The following RAB3IL1 variants were observed in gnomAD, a reference collection of about 807,000 sequenced individuals.
RAB3IL1 encodes RAB3A interacting protein like 1.
RAB3IL1 carries 37 observed loss-of-function variants against 49.2 expected under a neutral mutation model. The observed-to-expected ratio is 0.75, with a 90% CI of 0.58 to 0.99. RAB3IL1 has a LOEUF of 0.99. Among genes scored for constraint, RAB3IL1 ranks in the 50% least tolerant of loss-of-function variants. The pLI is 0.00. For synonymous variants in RAB3IL1, 193 were observed against 213.9 expected, an observed-to-expected ratio of 0.90 and a Z score of 0.85; for missense variants, 484 against 513.0, an observed-to-expected ratio of 0.94 and a Z score of 0.55.
intron 8 of RAB3IL1, 29 bp downstream of exon 8, chr11:61,902,413 T>C: frequency 6.4e-7 from 1 of 1,562,058 alleles, no homozygotes; most frequent in Non-Finnish European, 8.7e-7. Context: ...CCCAAAGGAG[T>C]CAAGTAACGC....
In RAB3IL1 at chr11:61,897,417, G is replaced by A. The variant is rs568478469; in HGVS notation, c.*861C>T. The stretch of plus-strand genomic sequence containing the variant: ...GGAGCTCCGAACGCTGGTCCTGAGT[G>A]GGCTCTGATGGGTGGGAGGGCCCAG... On this transcript the variant is annotated 3_prime_UTR_variant, in exon 10 of 10. Transcript: ENST00000394836. The A allele has an allele frequency of 6.5e-6, 1 of 152,702 alleles. No homozygotes were observed. The highest frequency in any genetic ancestry group is 2.1e-4 in the South Asian group (1 of 4,824). 9.5% of individuals were successfully genotyped at this position (152,702 alleles called of 1,614,324 possible).
chr11:61,917,325 C>T, intron 1 of RAB3IL1, 32 bp downstream of exon 1: 1 of 1,323,840 alleles, frequency 7.6e-7, no homozygotes, highest in Non-Finnish European at 9.6e-7. Flanking sequence ...GGCCCAGACC[C>T]AGCGCGGGAC....
chr11:61,906,396 G>T lies in RAB3IL1; in HGVS notation c.657+70C>A. Reference sequence around the variant, plus strand: ...AGCATGGGGCAGGCTGGTCCTCACTGGGCTCGGACCCTGCCTACCGCAGGC... The same window carrying T: ...AGCATGGGGCAGGCTGGTCCTCACTTGGCTCGGACCCTGCCTACCGCAGGC... On this transcript the variant is annotated intron_variant, in intron 5 of 9. Coordinates refer to ENST00000394836, the MANE Select transcript of RAB3IL1 (RefSeq NM_013401.4). The surrounding 1 kb of genome is among the most constrained non-coding windows in gnomAD (Gnocchi z 4.6). 7.2e-7 allele frequency: 1 copy of T among 1,386,870 alleles called. No individual in the cohort carries two copies. Among genetic ancestry groups the T allele is most frequent in the Non-Finnish European group, 9.9e-7 (1 of 1,012,926 alleles). The allele number at this position is 1,386,870 out of a possible 1,614,324, so 85.9% of individuals were successfully genotyped here.
At chr11:61,943,479 G>T in the RAB3IL1 span, among the ~76,000 whole-genome samples, 13 of 152,050 alleles carry the variant, frequency 8.5e-5, no homozygotes, top group Admixed American at 7.9e-4. Flanking sequence ...AATTCAAAAT[G>T]AATTAAAAAC....
At chr11:61,919,628 G>A (rs1416768371), upstream of RAB3IL1, among the ~76,000 whole-genome samples, 1 of 152,158 alleles carries the variant, frequency 6.6e-6, no homozygotes, top group African/African-American at 2.4e-5. Flanking sequence ...CTGAGCACAT[G>A]CTAGGTGTCT....
At chr11:61,903,599 CCA>C (rs1939030117) in intron 7 of RAB3IL1, among the ~76,000 whole-genome samples, 1 of 151,928 alleles carries the variant, frequency 6.6e-6, no homozygotes, top group Non-Finnish European at 1.5e-5. Flanking sequence ...TCTCAGCTCA[CCA>C]CAACCTCCGT....
intron 7 of RAB3IL1, among the ~76,000 whole-genome samples, chr11:61,903,941 G>A (rs1411830489): frequency 6.6e-6 from 1 of 152,000 alleles, no homozygotes; most frequent in Non-Finnish European, 1.5e-5. Context: ...TCCCCCCACT[G>A]CTTAGCCAGA....
In RAB3IL1 at chr11:61,906,253, C is replaced by T. The variant is rs1939175633; in HGVS notation, c.657+213G>A. The stretch of plus-strand genomic sequence containing the variant: ...GGGGCAGGGAGGGGGCCTCAGGTCC[C>T]CAGATGGTATACCCTGGAGGCTGCA... On this transcript the variant is annotated intron_variant, in intron 5 of 9. Coordinates refer to ENST00000394836, the MANE Select transcript of RAB3IL1 (RefSeq NM_013401.4). The surrounding 1 kb of genome is among the most constrained non-coding windows in gnomAD (Gnocchi z 4.6). Among the ~76,000 whole-genome samples the T allele has an allele frequency of 6.6e-6, 1 of 152,152 alleles. No homozygotes were observed. Among genetic ancestry groups the T allele is most frequent in the Non-Finnish European group, 1.5e-5 (1 of 68,010 alleles).
intron 1 of RAB3IL1, among the ~76,000 whole-genome samples, chr11:61,909,666 T>C (rs2136049077): frequency 6.6e-6 from 1 of 152,338 alleles, no homozygotes; most frequent in South Asian, 2.1e-4. Context: ...GGCTCTCTCC[T>C]AATACTCCTG....
upstream of RAB3IL1, chr11:61,920,095 C>T: frequency 7.5e-7 from 1 of 1,335,862 alleles, no homozygotes. Context: ...AGGGCACAGG[C>T]CTGATGGGGC....
At chr11:61,929,788 G>A in the RAB3IL1 span, among the ~76,000 whole-genome samples, 4 of 150,622 alleles carry the variant, frequency 2.7e-5, no homozygotes, top group African/African-American at 4.9e-5. Context: ...GTTTCACCAC[G>A]TTGGCCAAGA....
rs150183580 is a variant in RAB3IL1 at position 61,900,847 on chromosome 11, G to A, written c.1000-1467C>T. On this transcript the variant is annotated intron_variant, in intron 8 of 9. Coordinates refer to ENST00000394836, the MANE Select transcript of RAB3IL1 (RefSeq NM_013401.4). ...CTAGAGGTGACATTGTTGAGCACGG[G>A]AACATCTTTTGTGGGGCCTGCTGTT... 9.2e-5 allele frequency among the ~76,000 whole-genome samples: 14 copies of A among 152,292 alleles called. No individual in the cohort carries two copies. The East Asian group carries it at 2.7e-3, about 29-fold the overall frequency.
chr11:61,912,828 G>A (rs1939516624), intron 1 of RAB3IL1, among the ~76,000 whole-genome samples: 1 of 152,052 alleles, frequency 6.6e-6, no homozygotes, highest in Non-Finnish European at 1.5e-5. Flanking sequence ...CAGCCAGGCA[G>A]GACCTGGGCT....
intron 1 of RAB3IL1, among the ~76,000 whole-genome samples, chr11:61,909,163 C>T (rs1394147285): frequency 6.6e-6 from 1 of 152,142 alleles, no homozygotes; most frequent in African/African-American, 2.4e-5. Flanking sequence ...CCTGAGCCAG[C>T]AGCTTCTGAG....
chr11:61,917,704 G>T, upstream of RAB3IL1: 1 of 381,602 alleles, frequency 2.6e-6, no homozygotes, highest in Non-Finnish European at 3.6e-6. Flanking sequence ...CACGGCGCTC[G>T]GAGGGAACCC....
In RAB3IL1 at chr11:61,904,499, C is replaced by A. The variant is rs190251337; in HGVS notation, c.899+47G>T. The stretch of plus-strand genomic sequence containing the variant: ...TCGGCACAGTAAACACACGGCTTGG[C>A]GGGGCTTTCCCACATGGGCAGGAAG... On this transcript the variant is annotated intron_variant, in intron 7 of 9. Coordinates refer to ENST00000394836, the MANE Select transcript of RAB3IL1 (RefSeq NM_013401.4). 3.6e-5 allele frequency: 55 copies of A among 1,528,406 alleles called. No individual in the cohort carries two copies. In the African/African-American group the frequency reaches 6.1e-4, roughly 17 times the overall value. The allele number at this position is 1,528,406 out of a possible 1,614,324, so 94.7% of individuals were successfully genotyped here.
intron 1 of RAB3IL1, among the ~76,000 whole-genome samples, chr11:61,908,878 C>T (rs182217580): frequency 6.7e-4 from 102 of 152,358 alleles, no homozygotes; most frequent in African/African-American, 2.4e-3. Flanking sequence ...GACAGACCCA[C>T]TTCCTGTCCC....
chr11:61,907,369 T>A, intron 4 of RAB3IL1, 24 bp downstream of exon 4: 1 of 1,611,372 alleles, frequency 6.2e-7, no homozygotes, highest in Non-Finnish European at 8.5e-7. Context: ...TGGGCTGGCC[T>A]GGGCAGGCGG....
chr11:61,902,341 T>C (rs1938957191), intron 8 of RAB3IL1, 101 bp downstream of exon 8: 1 of 941,978 alleles, frequency 1.1e-6, no homozygotes, highest in South Asian at 1.6e-5. Context: ...AATAAGTAAA[T>C]CAAGGTGTAG....
Sources: gnomAD v4.1 joint callset for allele counts (sites outside exome capture counted in the v4.1 genomes callset) on GRCh38, gnomAD v4.1.1 for gene constraint, Gnocchi (gnomAD v3.1) non-coding constraint, MANE v1.5 for transcripts, NCBI Gene and HGNC (gene_info 2026-07-23, HGNC 2026-07-21) for gene names.